BMERB1: variants seen among roughly 807,000 people sequenced by gnomAD.
The protein encoded by BMERB1 is bMERB domain containing 1.
In BMERB1, 12 loss-of-function variants were observed where a neutral mutation model predicts 23.6. The observed-to-expected ratio is 0.51, with a 90% CI of 0.33 to 0.82. The LOEUF (loss-of-function observed/expected upper bound fraction) is 0.82, where lower values mean the gene tolerates loss of function less well. Among genes scored for constraint, BMERB1 ranks in the 40% least tolerant of loss-of-function variants. BMERB1 has a pLI of 0.03. For synonymous variants in BMERB1, 122 were observed against 96.6 expected, an observed-to-expected ratio of 1.26 and a Z score of -1.54; for missense variants, 247 against 255.4, an observed-to-expected ratio of 0.97 and a Z score of 0.22.
At chr16:15,537,638 G>A (rs1160846569) in intron 2 of BMERB1, among the ~76,000 whole-genome samples, 1 of 151,592 alleles carries the variant, frequency 6.6e-6, no homozygotes, top group Non-Finnish European at 1.5e-5. Context: ...ACAGGCATGA[G>A]CCACCATGCC....
intron 2 of BMERB1, among the ~76,000 whole-genome samples, chr16:15,540,268 G>A (rs2052066106): frequency 6.6e-6 from 1 of 152,078 alleles, no homozygotes; most frequent in Admixed American, 6.5e-5. Flanking sequence ...GAACACGCCT[G>A]TAATCCCAGC....
intron 1 of BMERB1, among the ~76,000 whole-genome samples, chr16:15,486,570 A>T (rs1430379447): frequency 6.6e-6 from 1 of 152,210 alleles, no homozygotes; most frequent in Non-Finnish European, 1.5e-5. Flanking sequence ...TTGACACCTG[A>T]TCCAATCAAA....
At chr16:15,442,671 TTCTCA>T (rs1293476011) in intron 1 of BMERB1, among the ~76,000 whole-genome samples, 8 of 152,210 alleles carry the variant, frequency 5.3e-5, no homozygotes, top group African/African-American at 1.9e-4. Context: ...GCTTATTAAA[TTCTCA>T]TAACAGCCCT....
At chr16:15,563,968 TCTCA>T (rs1309759746) in intron 2 of BMERB1, among the ~76,000 whole-genome samples, 1 of 151,976 alleles carries the variant, frequency 6.6e-6, no homozygotes, top group Non-Finnish European at 1.5e-5. Flanking sequence ...GTGAGTGAGT[TCTCA>T]CTCTTTTAGT....
chr16:15,576,550 T>G, intron 3 of BMERB1, among the ~76,000 whole-genome samples: 1 of 152,152 alleles, frequency 6.6e-6, no homozygotes. Flanking sequence ...CCTAGGGCAT[T>G]ACATTCATTT....
chr16:15,462,354 A>G (rs894845678), intron 1 of BMERB1, among the ~76,000 whole-genome samples: 33 of 151,714 alleles, frequency 2.2e-4, no homozygotes, highest in African/African-American at 4.8e-4. Context: ...GGGTTTCACT[A>G]TGTTGGCCAG....
At position 15,581,859 on chromosome 16, in the gene BMERB1, T is replaced by C. The variant is rs550321849; in HGVS notation, c.419+528T>C. 3.3e-5 allele frequency among the ~76,000 whole-genome samples: 5 copies of C among 152,336 alleles called. No homozygotes were observed. In the South Asian group the frequency reaches 1.0e-3, roughly 32 times the overall value. On this transcript the variant is annotated intron_variant, in intron 4 of 5. Transcript: ENST00000300006. The stretch of plus-strand genomic sequence containing the variant: ...GCAGTGTAAAAACATGTTGTAAATG[T>C]TGAAAATGTGGAAAGCTGTACATGT...
intron 2 of BMERB1, among the ~76,000 whole-genome samples, chr16:15,548,710 C>T (rs1013889074): frequency 2.0e-4 from 31 of 152,204 alleles, no homozygotes; most frequent in African/African-American, 5.5e-4. Context: ...CCCAGGGTCT[C>T]GCTTGCCTAC....
At chr16:15,565,213 A>G (rs1250596463) in intron 2 of BMERB1, among the ~76,000 whole-genome samples, 1 of 152,116 alleles carries the variant, frequency 6.6e-6, no homozygotes, top group Non-Finnish European at 1.5e-5. Context: ...AGATCAGTGG[A>G]CTCAGACTCC....
chr16:15,443,806 C>G (rs2050961911), intron 1 of BMERB1, among the ~76,000 whole-genome samples: 1 of 151,986 alleles, frequency 6.6e-6, no homozygotes, highest in Non-Finnish European at 1.5e-5. Flanking sequence ...GTGATTCCAG[C>G]TACTCGGGAG....
chr16:15,514,134 C>T (rs575917390), intron 1 of BMERB1, among the ~76,000 whole-genome samples: 3 of 151,608 alleles, frequency 2.0e-5, no homozygotes, highest in Non-Finnish European at 4.4e-5. Flanking sequence ...AAAAAGTTAC[C>T]TAGGTGGGCC....
chr16:15,494,674 G>C (rs1227464934), intron 1 of BMERB1, among the ~76,000 whole-genome samples: 2 of 152,052 alleles, frequency 1.3e-5, no homozygotes, highest in Non-Finnish European at 2.9e-5. Context: ...CAAGGTGTTT[G>C]AATAAAGTGG....
intron 2 of BMERB1, among the ~76,000 whole-genome samples, chr16:15,516,531 C>G (rs2051759584): frequency 6.6e-6 from 1 of 152,082 alleles, no homozygotes; most frequent in Non-Finnish European, 1.5e-5. Flanking sequence ...ACAAGCAAAA[C>G]CAAACCAAAC....
At chr16:15,566,793 A>C (rs1310448181) in intron 2 of BMERB1, among the ~76,000 whole-genome samples, 1 of 152,232 alleles carries the variant, frequency 6.6e-6, no homozygotes, top group Non-Finnish European at 1.5e-5. Flanking sequence ...GATCAAGACT[A>C]TTAAAGATTA....
At chr16:15,456,155 C>T (rs153801) in intron 1 of BMERB1, among the ~76,000 whole-genome samples, 58,111 of 151,874 alleles carry the variant, frequency 0.38, 13,577 homozygotes, top group East Asian at 0.58. Flanking sequence ...AATTTCCCAC[C>T]CTCAAATTGT....
intron 1 of BMERB1, among the ~76,000 whole-genome samples, chr16:15,455,890 T>C (rs542170868): frequency 7.2e-5 from 11 of 152,222 alleles, no homozygotes; most frequent in African/African-American, 9.6e-5. Flanking sequence ...TGCCACTGTG[T>C]TCTTTGAAAG....
intron 1 of BMERB1, among the ~76,000 whole-genome samples, chr16:15,449,884 G>C (rs1295958293): frequency 6.6e-6 from 1 of 151,738 alleles, no homozygotes; most frequent in Non-Finnish European, 1.5e-5. Flanking sequence ...TTAGACTAGA[G>C]ATGGGCAAAT....
At chr16:15,473,539 C>T (rs908635388) in intron 1 of BMERB1, among the ~76,000 whole-genome samples, 8 of 151,124 alleles carry the variant, frequency 5.3e-5, no homozygotes, top group South Asian at 4.2e-4. Context: ...GTGATCCACC[C>T]GCCTCAGCCT....
intron 1 of BMERB1, among the ~76,000 whole-genome samples, chr16:15,499,686 G>C (rs2051508961): frequency 6.6e-6 from 1 of 152,164 alleles, no homozygotes; most frequent in African/African-American, 2.4e-5. Context: ...CTTCCTAGAG[G>C]GATGGTGTTT....
Sources: allele counts gnomAD v4.1 joint callset (sites outside exome capture counted in the v4.1 genomes callset), GRCh38; gene constraint gnomAD v4.1.1; transcripts MANE v1.5; gene names NCBI Gene and HGNC (gene_info 2026-07-23, HGNC 2026-07-21).